The following HYDIN variants were observed in gnomAD, a reference collection of about 807,000 sequenced individuals.
HYDIN encodes the protein axonemal central pair apparatus protein HYDIN.
In HYDIN, 132 loss-of-function variants were observed where a neutral mutation model predicts 403.9. The ratio of observed to expected loss-of-function variants is 0.33; its 90% CI spans 0.28 to 0.38. The LOEUF (loss-of-function observed/expected upper bound fraction) is 0.38, where lower values mean the gene tolerates loss of function less well. HYDIN is among the 10% of genes least tolerant of loss of function. HYDIN has a pLI of 1.00. For missense variants in HYDIN, 2,827 were observed against 5,009.5 expected, an observed-to-expected ratio of 0.56 and a Z score of 13.15; for synonymous variants, 1,202 against 1,891.7, an observed-to-expected ratio of 0.64 and a Z score of 9.46.
intron 13 of HYDIN, among the ~76,000 whole-genome samples, chr16:71,071,407 C>T (rs1427144882): frequency 7.2e-6 from 1 of 139,398 alleles, no homozygotes; most frequent in Non-Finnish European, 1.5e-5. Flanking sequence ...AATCCTAATA[C>T]TATTCTATCT....
chr16:71,178,071 A>T (rs2086743324), intron 4 of HYDIN, among the ~76,000 whole-genome samples: 1 of 152,178 alleles, frequency 6.6e-6, no homozygotes, highest in Non-Finnish European at 1.5e-5. Context: ...AGAAGTGAAA[A>T]GAAGGCTTTT....
chr16:71,230,285 C>T (rs966279516), intron 1 of HYDIN, among the ~76,000 whole-genome samples: 3 of 152,186 alleles, frequency 2.0e-5, no homozygotes, highest in African/African-American at 7.2e-5. Context: ...CGTCCAAGGC[C>T]TGGGGCTAAT....
intron 24 of HYDIN, 96 bp from the exon 25 acceptor site, chr16:70,991,492 T>G: frequency 6.4e-7 from 1 of 1,554,482 alleles, no homozygotes; most frequent in East Asian, 2.3e-5. Context: ...CTTCTCCCTC[T>G]ACCACACCCC....
At chr16:71,058,784 A>T (rs892684455) in intron 18 of HYDIN, among the ~76,000 whole-genome samples, 39 of 152,214 alleles carry the variant, frequency 2.6e-4, no homozygotes, top group African/African-American at 9.1e-4. Flanking sequence ...GAACGGCATC[A>T]GTCCACTTTT....
intron 18 of HYDIN, among the ~76,000 whole-genome samples, chr16:71,053,073 C>T (rs2081718973): frequency 6.6e-6 from 1 of 151,958 alleles, no homozygotes; most frequent in East Asian, 1.9e-4. Flanking sequence ...CAGAAGAGGA[C>T]ACCCGAATGA....
intron 73 of HYDIN, among the ~76,000 whole-genome samples, chr16:70,853,638 T>C (rs899329445): frequency 1.4e-5 from 2 of 143,896 alleles, no homozygotes; most frequent in African/African-American, 5.8e-5. Flanking sequence ...ATTCCTGAAA[T>C]GACAAAATGA....
chr16:70,973,580 T>C, intron 34 of HYDIN, 88 bp from the exon 35 acceptor site: 2 of 194,930 alleles, frequency 1.0e-5, no homozygotes, highest in African/African-American at 5.7e-5. Context: ...ATTTCCTGAG[T>C]ACCTCTCAGG....
At chr16:71,029,122 T>C (rs2080818174) in intron 19 of HYDIN, among the ~76,000 whole-genome samples, 1 of 152,236 alleles carries the variant, frequency 6.6e-6, no homozygotes, top group Non-Finnish European at 1.5e-5. Flanking sequence ...GAGCAGATGT[T>C]GGCAAACTTT....
intron 5 of HYDIN, among the ~76,000 whole-genome samples, chr16:71,174,719 T>C (rs900879891): frequency 2.6e-5 from 4 of 152,124 alleles, no homozygotes; most frequent in African/African-American, 4.8e-5. Flanking sequence ...GAGAGTGAGA[T>C]TGGGCTCCAT....
At position 71,089,090 on chromosome 16, in the gene HYDIN, G is replaced by A. The variant is rs974011948; in HGVS notation, c.1447-566C>T. ...TTTTCATCTCAGATTCTACTGGATG[G>A]ATGATTGTTTTGAGATTCTTATGCA... On this transcript the variant is annotated intron_variant, in intron 11 of 85. Coordinates refer to ENST00000393567, the MANE Select transcript of HYDIN (RefSeq NM_001270974.2). Among the ~76,000 whole-genome samples the A allele has an allele frequency of 8.2e-5, 12 of 145,620 alleles. 1 individual carries two copies. Among genetic ancestry groups the A allele is most frequent in the African/African-American group, 3.1e-4 (12 of 38,478 alleles).
At chr16:71,161,554 T>A (rs558997988) in intron 6 of HYDIN, among the ~76,000 whole-genome samples, 1 of 152,310 alleles carries the variant, frequency 6.6e-6, no homozygotes, top group South Asian at 2.1e-4. Flanking sequence ...TCTCTATCCC[T>A]CGGTTTTCTC....
At position 71,020,287 on chromosome 16, in the gene HYDIN, G is replaced by A. The variant is rs1403226860; in HGVS notation, c.3217C>T (p.Gln1073Ter). The stretch of plus-strand genomic sequence containing the variant: ...GAAATGTTCTTTATGGCCAAGGGCT[G>A]GTAATCAGGTTTCAGGATACTGTTA... ...KPNSILKPDY[Q>*]PLAIKNISTL... The change falls in exon 22 of 86, where the codon CAG becomes TAG. Residue 1073 changes from glutamine (Q) to a stop codon, truncating the protein, a stop_gained. Transcript: ENST00000393567. LOFTEE classifies it high-confidence loss of function. 6.2e-7 allele frequency: 1 copy of A among 1,613,802 alleles called. No individual in the cohort carries two copies. Among genetic ancestry groups the A allele is most frequent in the African/African-American group, 1.3e-5 (1 of 74,862 alleles).
At chr16:71,101,694 T>TAATC (rs1379661579) in intron 10 of HYDIN, among the ~76,000 whole-genome samples, 1 of 152,158 alleles carries the variant, frequency 6.6e-6, no homozygotes, top group Non-Finnish European at 1.5e-5. Context: ...TGATCAATAC[T>TAATC]AAGAGAAGTC....
intron 10 of HYDIN, among the ~76,000 whole-genome samples, chr16:71,112,822 G>A (rs939841015): frequency 6.6e-6 from 1 of 152,168 alleles, no homozygotes; most frequent in Non-Finnish European, 1.5e-5. Context: ...CCTAGTTATA[G>A]GCACCAAAAT....
At chr16:70,898,445 G>A (rs1179760539) in intron 53 of HYDIN, among the ~76,000 whole-genome samples, 1 of 151,284 alleles carries the variant, frequency 6.6e-6, no homozygotes, top group African/African-American at 2.4e-5. Flanking sequence ...AGAACCTCTG[G>A]GCTTCTACAC....
intron 10 of HYDIN, among the ~76,000 whole-genome samples, chr16:71,097,996 T>C (rs2083324877): frequency 1.3e-5 from 2 of 152,152 alleles, no homozygotes; most frequent in Non-Finnish European, 1.5e-5. Context: ...AAAGACAGAA[T>C]ACTTGTCCTT....
intron 18 of HYDIN, among the ~76,000 whole-genome samples, chr16:71,041,935 A>G (rs997385480): frequency 6.6e-6 from 1 of 152,128 alleles, no homozygotes; most frequent in Non-Finnish European, 1.5e-5. Context: ...AAGCTTTTAA[A>G]AAAATAAATA....
chr16:71,175,924 C>G, intron 4 of HYDIN, 183 bp from the exon 5 acceptor site: 1 of 658,950 alleles, frequency 1.5e-6, no homozygotes. Flanking sequence ...CACCCAATAC[C>G]TTCTAGCTTT....
chr16:70,822,543 T>G (rs529511341), intron 83 of HYDIN, among the ~76,000 whole-genome samples: 85 of 152,336 alleles, frequency 5.6e-4, no homozygotes, highest in Non-Finnish European at 1.1e-3. Flanking sequence ...GCGGACTGAC[T>G]CCGATTTTGA....
Sources: gnomAD v4.1 joint callset for allele counts (sites outside exome capture counted in the v4.1 genomes callset) on GRCh38, gnomAD v4.1.1 for gene constraint, MANE v1.5 for transcripts, NCBI Gene and HGNC (gene_info 2026-07-23, HGNC 2026-07-21) for gene names.